The following THSD7B variants were observed in gnomAD, a reference collection of about 807,000 sequenced individuals.
The protein encoded by THSD7B is thrombospondin type 1 domain containing 7B.
In THSD7B, 138 loss-of-function variants were observed where a neutral mutation model predicts 213.6. The observed-to-expected ratio is 0.65, with a 90% CI of 0.56 to 0.74. The LOEUF is 0.74. Ranked by LOEUF, THSD7B falls within the 30% of genes least tolerant of loss-of-function variation. The probability of loss-of-function intolerance (pLI) is 0.00; values close to 1 mark genes in which losing one functional copy is unlikely to be tolerated. For missense variants in THSD7B, 1,931 were observed against 1,991.5 expected, an observed-to-expected ratio of 0.97 and a Z score of 0.58; for synonymous variants, 742 against 687.0, an observed-to-expected ratio of 1.08 and a Z score of -1.25.
intron 3 of THSD7B, among the ~76,000 whole-genome samples, chr2:137,085,140 G>C (rs781057605): frequency 6.6e-6 from 1 of 152,142 alleles, no homozygotes; most frequent in Non-Finnish European, 1.5e-5. Context: ...CTGAGAAAAA[G>C]GCAAGCTAAA....
chr2:137,328,384 G>C (rs1684419836), intron 12 of THSD7B, among the ~76,000 whole-genome samples: 1 of 152,176 alleles, frequency 6.6e-6, no homozygotes, highest in Non-Finnish European at 1.5e-5. Flanking sequence ...GAATTTCATA[G>C]AGAACACTTT....
At chr2:136,933,073 A>G (rs1014248938) in intron 2 of THSD7B, among the ~76,000 whole-genome samples, 3 of 151,186 alleles carry the variant, frequency 2.0e-5, no homozygotes, top group African/African-American at 7.4e-5. Context: ...TCCAGGAGTG[A>G]CTTCTGCATT....
intron 16 of THSD7B, among the ~76,000 whole-genome samples, chr2:137,567,131 C>CTGTAT (rs1681253995): frequency 7.6e-6 from 1 of 131,928 alleles, no homozygotes; most frequent in African/African-American, 2.8e-5. Context: ...GAGTGACATG[C>CTGTAT]TCTATTTTAT....
In THSD7B at chr2:136,827,303, C is replaced by T. The variant is rs115227891; in HGVS notation, c.-35-54841C>T. Among the ~76,000 whole-genome samples the T allele has an allele frequency of 7.5e-3, 1,140 of 152,258 alleles. 24 individuals are homozygous for T. The highest frequency in any genetic ancestry group is 0.025 in the African/African-American group (1,059 of 41,544). ...ACTCACATTTTTGGTATTCTGGTGT[C>T]CAGACCTATTTGGACCAGCATCTGA... On this transcript the variant is annotated intron_variant, in intron 1 of 27. Coordinates refer to ENST00000409968, the MANE Select transcript of THSD7B (RefSeq NM_001316349.2).
At position 137,563,314 on chromosome 2, in the gene THSD7B, T is replaced by C. The variant is rs980492234; in HGVS notation, c.3232T>C (p.Ser1078Pro). 6 of 1,613,182 alleles carry C rather than the reference T, an allele frequency of 3.7e-6. No individual in the cohort carries two copies. In the African/African-American group the frequency reaches 4.0e-5, roughly 11 times the overall value. Residue 1078 changes from serine to proline, a missense_variant, in exon 16 of 28, where the codon TCC becomes CCC. Transcript: ENST00000409968. ...ATGCAAAATCAACAATGAGCTGAGG[T>C]CCCTGCGCTGTGGAGGAGGAACACA... ...SSCKINNELR[S>P]LRCGGGTQSR...
At chr2:137,110,773 C>T (rs994939852) in intron 4 of THSD7B, among the ~76,000 whole-genome samples, 1 of 152,216 alleles carries the variant, frequency 6.6e-6, no homozygotes, top group African/African-American at 2.4e-5. Flanking sequence ...CATAACATTT[C>T]TGTCAGTGGT....
intron 1 of THSD7B, among the ~76,000 whole-genome samples, chr2:136,873,915 G>A (rs1652447): frequency 0.85 from 129,584 of 152,158 alleles, 55,705 homozygotes; most frequent in Non-Finnish European, 0.91. Context: ...TGTGGCGTCA[G>A]GACTGTTTTG....
rs144791952 is a variant in THSD7B, at chr2:137,491,698, C to G, written c.3138+40675C>G. On this transcript the variant is annotated intron_variant, in intron 15 of 27. Transcript: ENST00000409968. ...CACAACTCTGAGCCAAGACCTGTTT[C>G]ATGCTACACATGTTGAAATCATTCC... Among the ~76,000 whole-genome samples, 168 of 152,302 alleles carry G rather than the reference C, an allele frequency of 1.1e-3. 2 individuals carry two copies. The highest frequency in any genetic ancestry group is 6.8e-3 in the Middle Eastern group (2 of 294).
intron 15 of THSD7B, among the ~76,000 whole-genome samples, chr2:137,518,439 G>A (rs1477340497): frequency 3.3e-5 from 5 of 152,156 alleles, no homozygotes; most frequent in Admixed American, 2.0e-4. Flanking sequence ...ACTGATTCAT[G>A]GGCTGTAGCC....
At chr2:136,914,098 C>T (rs1356146213) in intron 2 of THSD7B, among the ~76,000 whole-genome samples, 1 of 152,210 alleles carries the variant, frequency 6.6e-6, no homozygotes, top group Admixed American at 6.5e-5. Flanking sequence ...GGGAACCCAC[C>T]TCTTGCATCA....
At chr2:137,000,444 A>C (rs1685980887) in intron 2 of THSD7B, among the ~76,000 whole-genome samples, 1 of 152,206 alleles carries the variant, frequency 6.6e-6, no homozygotes, top group Admixed American at 6.5e-5. Flanking sequence ...TGATTGCATA[A>C]GTATCTTTAG....
At chr2:137,396,134 T>A (rs1048530083) in intron 12 of THSD7B, among the ~76,000 whole-genome samples, 1 of 147,464 alleles carries the variant, frequency 6.8e-6, no homozygotes, top group Admixed American at 6.8e-5. Context: ...TCATTAATTT[T>A]TTGAAGGGTT....
chr2:137,068,730 T>C (rs1470892733), intron 3 of THSD7B, among the ~76,000 whole-genome samples: 1 of 152,130 alleles, frequency 6.6e-6, no homozygotes, highest in African/African-American at 2.4e-5. Flanking sequence ...ACTCTGTTCA[T>C]ATGCCTAACT....
intron 2 of THSD7B, among the ~76,000 whole-genome samples, chr2:136,933,561 A>AGAGG (rs1684669121): frequency 6.6e-6 from 1 of 152,198 alleles, no homozygotes; most frequent in African/African-American, 2.4e-5. Flanking sequence ...CCTGGGTGAC[A>AGAGG]GAGGGAGACT....
At position 137,659,846 on chromosome 2, in the gene THSD7B, C is replaced by T. The variant is rs1196201792; in HGVS notation, c.4458+100C>T. On this transcript the variant is annotated intron_variant, in intron 25 of 27. Coordinates refer to ENST00000409968, the MANE Select transcript of THSD7B (RefSeq NM_001316349.2). ...CCGGCTGCAGCCCAAGCAGCAGTTC[C>T]ACGTGCCCATGATACCATCTAGAGG... The T allele has an allele frequency of 2.6e-6, 3 of 1,140,026 alleles. No individual in the cohort carries two copies. In the Admixed American group the frequency reaches 7.6e-5, roughly 29 times the overall value. 70.6% of individuals were successfully genotyped at this position (1,140,026 alleles called of 1,614,324 possible). A position where few individuals can be genotyped will look rare whatever the true frequency, so the allele number is the denominator to read the frequency against.
intron 16 of THSD7B, among the ~76,000 whole-genome samples, chr2:137,564,350 T>G (rs1006475886): frequency 6.6e-6 from 1 of 152,182 alleles, no homozygotes; most frequent in African/African-American, 2.4e-5. Context: ...GCAAAATCAC[T>G]GGTAGTCATG....
At chr2:137,553,677 T>C (rs1463709319) in intron 15 of THSD7B, among the ~76,000 whole-genome samples, 1 of 152,180 alleles carries the variant, frequency 6.6e-6, no homozygotes, top group African/African-American at 2.4e-5. Context: ...TTAAACCTTG[T>C]TATTTTTTCC....
chr2:137,150,264 G>GAAAAAAAAAAAAA (rs60173278), intron 5 of THSD7B, among the ~76,000 whole-genome samples: 4 of 150,012 alleles, frequency 2.7e-5, no homozygotes, highest in South Asian at 2.1e-4. Context: ...AAAAGAAAAA[G>GAAAAAAAAAAAAA]AAAAAGAAAG....
Position 136,872,528 on chromosome 2 carries a change from T to G in THSD7B, c.-35-9616T>G, listed in dbSNP as rs1304170694. Among the ~76,000 whole-genome samples, 8 of 152,126 alleles carry G rather than the reference T, an allele frequency of 5.3e-5. No homozygotes were observed. The East Asian group carries it at 9.6e-4, about 18-fold the overall frequency. On this transcript the variant is annotated intron_variant, in intron 1 of 27. Coordinates refer to ENST00000409968, the MANE Select transcript of THSD7B (RefSeq NM_001316349.2). ...TCTGAGAACGTGATCTTTTATTTTT[T>G]CTTTTCTTTTCTCTTTTTCTTTTCT...
Sources: allele counts gnomAD v4.1 joint callset (sites outside exome capture counted in the v4.1 genomes callset), GRCh38; gene constraint gnomAD v4.1.1; transcripts MANE v1.5; gene names NCBI Gene and HGNC (gene_info 2026-07-23, HGNC 2026-07-21).